SUMF1: variants seen among roughly 807,000 people sequenced by gnomAD.
SUMF1 encodes sulfatase modifying factor 1.
Under a neutral mutation model 47.6 loss-of-function variants are expected in SUMF1, and 48 were observed. The observed-to-expected ratio is 1.01, with a 90% CI of 0.80 to 1.28. SUMF1 has a LOEUF of 1.28. Ranked by LOEUF, SUMF1 falls within the 50% of genes most tolerant of loss-of-function variation. The pLI, the probability that SUMF1 is intolerant of heterozygous loss-of-function variation, is 0.00. For missense variants in SUMF1, 571 were observed against 485.4 expected (o/e 1.18, Z -1.66); for synonymous variants, 230 against 192.1 (o/e 1.20, Z -1.63).
chr3:4,453,179 C>T lies in SUMF1; in HGVS notation c.271-130G>A, dbSNP rs140767036. ...TCACCACAGTAATAACTGTAAAATTCGGAAAAATCTCTCTATACCCCAAAG... is the reference window on the plus strand; with the variant it reads ...TCACCACAGTAATAACTGTAAAATTTGGAAAAATCTCTCTATACCCCAAAG... On this transcript the variant is annotated intron_variant, in intron 1 of 8. Transcript: ENST00000272902. 975 of 923,442 alleles carry T rather than the reference C, an allele frequency of 1.1e-3. 3 individuals are homozygous for T. The African/African-American group carries it at 0.011, about 10-fold the overall frequency. The allele number at this position is 923,442 out of a possible 1,614,324, so 57.2% of individuals were successfully genotyped here. A position where few individuals can be genotyped will look rare whatever the true frequency, so the allele number is the denominator to read the frequency against.
At chr3:4,329,790 T>C (rs1699015108) in intron 8 of SUMF1, among the ~76,000 whole-genome samples, 1 of 152,002 alleles carries the variant, frequency 6.6e-6, no homozygotes, top group Non-Finnish European at 1.5e-5. Context: ...TATCACATCA[T>C]CAGGCTGCTA....
Position 4,062,988 on chromosome 3 carries a change from A to G in SUMF1, c.1191+5581T>C, listed in dbSNP as rs1407987078. ...CCTTATAATTGAAATTCTTTCTGGA[A>G]GGAAAGATGTCCTGATAATGAATAG... On this transcript the variant is annotated intron_variant and NMD_transcript_variant, in intron 9 of 12. Transcript: ENST00000448413. 2.6e-5 allele frequency among the ~76,000 whole-genome samples: 4 copies of G among 152,162 alleles called. No individual in the cohort carries two copies. The East Asian group carries it at 7.7e-4, about 29-fold the overall frequency.
At chr3:4,051,121 A>T (rs1272535514) in intron 9 of SUMF1, among the ~76,000 whole-genome samples, 1 of 142,802 alleles carries the variant, frequency 7.0e-6, no homozygotes, top group Non-Finnish European at 1.5e-5. Flanking sequence ...ATTCTAAGGC[A>T]AAAAAAAGAA....
intron 3 of SUMF1, among the ~76,000 whole-genome samples, chr3:4,434,142 A>G (rs1287309681): frequency 1.3e-5 from 2 of 152,238 alleles, no homozygotes; most frequent in African/African-American, 4.8e-5. Context: ...TTATTGTTTA[A>G]TGAGCATACA....
chr3:4,452,806 G>C (rs1703015721), intron 2 of SUMF1, 70 bp downstream of exon 2: 4 of 1,566,258 alleles, frequency 2.6e-6, no homozygotes, highest in Admixed American at 3.3e-5. Flanking sequence ...GTCAATCTTA[G>C]CTGCTATTAA....
chr3:4,337,293 T>G (rs941884968), intron 8 of SUMF1, among the ~76,000 whole-genome samples: 16 of 145,360 alleles, frequency 1.1e-4, no homozygotes, highest in African/African-American at 3.6e-4. Flanking sequence ...TCCTGTTTGC[T>G]GTCAACCAGC....
At position 4,452,876 on chromosome 3, in the gene SUMF1, C is replaced by T. The variant is rs1703018927; in HGVS notation, c.444G>A (p.Glu148=). ...TCCCTCCTTTCCCCAATCCCATTAC[C>T]TCTGTCAAATAGCCAGTTGAGTTCA... ...KFVNSTGYLT[E]AEKFGDSFVF... The change falls in exon 2 of 9, where the codon GAG becomes GAA. Residue 148 remains glutamate (E), a splice_region_variant and synonymous_variant. Transcript: ENST00000272902. 1 of 1,614,044 alleles carries T rather than the reference C, an allele frequency of 6.2e-7. No individual in the cohort carries two copies. Among genetic ancestry groups the T allele is most frequent in the African/African-American group, 1.3e-5 (1 of 74,942 alleles).
rs536186734 is a variant in SUMF1, at chr3:4,122,058, A to G, written c.1015-53313T>C. Among the ~76,000 whole-genome samples the G allele has an allele frequency of 6.4e-4, 97 of 152,004 alleles. 1 individual carries two copies. The highest frequency in any genetic ancestry group is 1.2e-3 in the Non-Finnish European group (79 of 68,008). On this transcript the variant is annotated intron_variant and NMD_transcript_variant, in intron 8 of 12. Transcript: ENST00000448413. ...AAGGACATGATCGCGTTCTTTTTTT[A>G]TGGCTGCATGGTATTCTATGATGTG...
Position 4,121,883 on chromosome 3 carries a change from G to A in SUMF1, c.1015-53138C>T, listed in dbSNP as rs983210605. 1.7e-4 allele frequency among the ~76,000 whole-genome samples: 26 copies of A among 151,998 alleles called. 2 individuals are homozygous for A. The highest frequency in any genetic ancestry group is 1.5e-5 in the Non-Finnish European group (1 of 67,998). The stretch of plus-strand genomic sequence containing the variant: ...TCCTTCCTCCCATCCTCCCCGCTCT[G>A]ATAGGCCCCAGTGTGTTGTTCCCTT... On this transcript the variant is annotated intron_variant and NMD_transcript_variant, in intron 8 of 12. Coordinates refer to the SUMF1 transcript ENST00000448413.
rs1164936738 is a variant in SUMF1, at chr3:4,303,870, T to C, written c.1014+72460A>G. 4 of 1,295,708 alleles carry C rather than the reference T, an allele frequency of 3.1e-6. No homozygotes were observed. In the African/African-American group the frequency reaches 4.6e-5, roughly 15 times the overall value. 80.3% of individuals were successfully genotyped at this position (1,295,708 alleles called of 1,614,324 possible). A position where few individuals can be genotyped will look rare whatever the true frequency, so the allele number is the denominator to read the frequency against. ...CCTGGTCTCAGGTGTCTCTCACAGGTAGGATAAGCCGTGGGGCCTATTAAT... is the reference window on the plus strand; with the variant it reads ...CCTGGTCTCAGGTGTCTCTCACAGGCAGGATAAGCCGTGGGGCCTATTAAT... On this transcript the variant is annotated intron_variant and NMD_transcript_variant, in intron 8 of 12. Coordinates refer to the SUMF1 transcript ENST00000448413.
rs147118975 is a variant in SUMF1 at position 4,076,726 on chromosome 3, G to A, written c.1015-7981C>T. ...TCTCAAAAGAAGACACTGGCCGGGC[G>A]TGGTGGCTCACGCCTGTAATCCCAG... On this transcript the variant is annotated intron_variant and NMD_transcript_variant, in intron 8 of 12. Transcript: ENST00000448413. Among the ~76,000 whole-genome samples the A allele has an allele frequency of 6.8e-3, 1,042 of 152,238 alleles. 5 individuals are homozygous for A. The highest frequency in any genetic ancestry group is 0.01 in the Non-Finnish European group (711 of 68,002).
intron 8 of SUMF1, among the ~76,000 whole-genome samples, chr3:4,118,954 T>C (rs1421020266): frequency 6.6e-6 from 1 of 152,150 alleles, no homozygotes; most frequent in Non-Finnish European, 1.5e-5. Context: ...CTGTATCCCT[T>C]GAGCTTGACT....
intron 8 of SUMF1, among the ~76,000 whole-genome samples, chr3:4,165,301 C>CAG (rs1306140718): frequency 1.3e-5 from 2 of 152,016 alleles, no homozygotes; most frequent in Non-Finnish European, 2.9e-5. Context: ...TGCTTTAAAT[C>CAG]AGAGAGAGAG....
At chr3:4,364,819 G>T (rs1424713107) in intron 8 of SUMF1, among the ~76,000 whole-genome samples, 2 of 151,480 alleles carry the variant, frequency 1.3e-5, no homozygotes, top group African/African-American at 4.9e-5. Flanking sequence ...GTGATGTTAG[G>T]GTATCAATTT....
At chr3:4,137,913 A>G (rs1432142209) in intron 8 of SUMF1, among the ~76,000 whole-genome samples, 1 of 120,148 alleles carries the variant, frequency 8.3e-6, no homozygotes, top group Admixed American at 8.8e-5. Flanking sequence ...AACACTAATA[A>G]TACACACACA....
intron 3 of SUMF1, among the ~76,000 whole-genome samples, chr3:4,433,347 C>G (rs1702297545): frequency 1.3e-5 from 2 of 152,314 alleles, no homozygotes; most frequent in South Asian, 4.1e-4. Flanking sequence ...GATCAGGTGT[C>G]TTGGAGCAGG....
At chr3:4,315,948 G>A (rs1466974937) in intron 8 of SUMF1, among the ~76,000 whole-genome samples, 1 of 150,880 alleles carries the variant, frequency 6.6e-6, no homozygotes, top group Non-Finnish European at 1.5e-5. Context: ...TCAGGAGGCT[G>A]AGGTACGAGA....
intron 8 of SUMF1, among the ~76,000 whole-genome samples, chr3:4,165,839 C>T (rs1486118467): frequency 7.1e-6 from 1 of 140,532 alleles, no homozygotes; most frequent in Non-Finnish European, 1.5e-5. Context: ...AAAAAAAATG[C>T]CCGTGGTTTT....
intron 8 of SUMF1, among the ~76,000 whole-genome samples, chr3:4,163,087 T>A (rs1262300014): frequency 2.7e-5 from 4 of 150,858 alleles, no homozygotes; most frequent in African/African-American, 9.8e-5. Flanking sequence ...ATGTCTGATG[T>A]AAAGTCATTG....
Sources: gnomAD v4.1 joint callset for allele counts (sites outside exome capture counted in the v4.1 genomes callset) on GRCh38, gnomAD v4.1.1 for gene constraint, MANE v1.5 for transcripts, NCBI Gene and HGNC (gene_info 2026-07-23, HGNC 2026-07-21) for gene names.